Variants in CRLS1 observed in about 807,000 individuals in gnomAD.
CRLS1 encodes cardiolipin synthase (CMP-forming).
CRLS1 carries 24 observed loss-of-function variants against 37.0 expected under a neutral mutation model. The observed-to-expected ratio is 0.65, with a 90% confidence interval of 0.47 to 0.91. CRLS1 has a LOEUF of 0.91. Ranked by LOEUF, CRLS1 falls within the 40% of genes least tolerant of loss-of-function variation. The pLI, the probability that CRLS1 is intolerant of heterozygous loss-of-function variation, is 0.00. For missense variants in CRLS1, 373 were observed against 395.8 expected, an observed-to-expected ratio of 0.94 and a Z score of 0.49; for synonymous variants, 135 against 159.7, an observed-to-expected ratio of 0.85 and a Z score of 1.17.
At chr20:6,023,687 T>G (rs1979450004) in intron 3 of CRLS1, among the ~76,000 whole-genome samples, 1 of 151,584 alleles carries the variant, frequency 6.6e-6, no homozygotes, top group Non-Finnish European at 1.5e-5. Context: ...ATTCCCCACC[T>G]TCCGTTGAAT....
chr20:6,031,366 C>G lies in CRLS1; in HGVS notation c.656C>G (p.Thr219Arg), dbSNP rs1272831493. The change falls in exon 4 of 7, where the codon ACA (threonine) becomes AGA (arginine). Residue 219 changes from threonine to arginine, a missense_variant. Physicochemically the swap from Thr to Arg is moderately conservative, Grantham distance 71. Transcript: ENST00000378863. ...VFYVRYRTLPTPRTLAKYFNP... is the reference protein window; with the variant it reads ...VFYVRYRTLPRPRTLAKYFNP... ...TATGTCAGATACCGAACTCTTCCAACACCAGTGAGTTTGTTTCCAAAAAGT... is the reference window on the plus strand; with the variant it reads ...TATGTCAGATACCGAACTCTTCCAAGACCAGTGAGTTTGTTTCCAAAAAGT... The G allele has an allele frequency of 1.3e-6, 2 of 1,598,538 alleles. No homozygotes were observed. The highest frequency in any genetic ancestry group is 3.3e-4 in the Middle Eastern group (2 of 6,032).
At chr20:6,019,479 T>C (rs890899357) in intron 3 of CRLS1, among the ~76,000 whole-genome samples, 4 of 150,702 alleles carry the variant, frequency 2.7e-5, no homozygotes, top group African/African-American at 9.8e-5. Flanking sequence ...TATGTAGTAA[T>C]GTCCTCCTTT....
At position 6,006,222 on chromosome 20, in the gene CRLS1, G is replaced by A; in HGVS notation, c.-25G>A. 8.3e-7 allele frequency: 1 copy of A among 1,210,174 alleles called. No homozygotes were observed. The highest frequency in any genetic ancestry group is 3.3e-5 in the East Asian group (1 of 30,006). 75.0% of individuals were successfully genotyped at this position (1,210,174 alleles called of 1,614,324 possible). ...AGGCTGCTGAGCTCTCGCCGCCCGA[G>A]ACCCCGCGGCGCGGCCGCAGGGCCA... On this transcript the variant is annotated 5_prime_UTR_variant, in exon 1 of 7. Transcript: ENST00000378863.
intron 3 of CRLS1, among the ~76,000 whole-genome samples, chr20:6,025,655 CCTT>C (rs1406542781): frequency 8.5e-5 from 13 of 152,232 alleles, no homozygotes; most frequent in African/African-American, 3.1e-4. Flanking sequence ...AAATTGAAAA[CCTT>C]CTAGAAAGGA....
Position 6,006,245 on chromosome 20 carries a change from C to G in CRLS1, c.-2C>G. On this transcript the variant is annotated 5_prime_UTR_variant, in exon 1 of 7. Coordinates refer to ENST00000378863, the MANE Select transcript of CRLS1 (RefSeq NM_019095.6). ...GAGACCCCGCGGCGCGGCCGCAGGG[C>G]CATGCTAGCCTTGCGCGTGGCGCGC... 8.1e-7 allele frequency: 1 copy of G among 1,232,176 alleles called. No homozygotes were observed. Among genetic ancestry groups the G allele is most frequent in the Non-Finnish European group, 1.0e-6 (1 of 988,744 alleles). 76.3% of individuals were successfully genotyped at this position (1,232,176 alleles called of 1,614,324 possible).
At position 6,006,411 on chromosome 20, in the gene CRLS1, T is replaced by C; in HGVS notation, c.165T>C (p.Ala55=). Residue 55 remains alanine (A), a synonymous_variant, in exon 1 of 7, where the codon GCT becomes GCC. Coordinates refer to ENST00000378863, the MANE Select transcript of CRLS1 (RefSeq NM_019095.6). ...LAERWRLRPA[A]LGLRLPGIGQ... is the part of the protein sequence containing the mutation. Reference sequence around the variant, plus strand: ...AACGCTGGAGGCTGCGTCCGGCCGCTCTTGGCTTGCGGCTGCCCGGGATCG... The same window carrying C: ...AACGCTGGAGGCTGCGTCCGGCCGCCCTTGGCTTGCGGCTGCCCGGGATCG... 1 of 1,410,538 alleles carries C rather than the reference T, an allele frequency of 7.1e-7. No individual in the cohort carries two copies. Among genetic ancestry groups the C allele is most frequent in the Non-Finnish European group, 9.2e-7 (1 of 1,081,648 alleles). The allele number at this position is 1,410,538 out of a possible 1,614,324, so 87.4% of individuals were successfully genotyped here.
chr20:6,024,205 C>T (rs1385334799), intron 3 of CRLS1, among the ~76,000 whole-genome samples: 1 of 152,180 alleles, frequency 6.6e-6, no homozygotes. Context: ...ATCCTCCCAC[C>T]TCAGCCTTTC....
chr20:6,031,107 T>G (rs1211324727), intron 3 of CRLS1, 178 bp from the exon 4 acceptor site: 1 of 460,622 alleles, frequency 2.2e-6, no homozygotes, highest in Non-Finnish European at 3.8e-6. Context: ...TAAAGAAGAA[T>G]ATAAAAATCA....
At chr20:6,030,378 T>C (rs566815291) in intron 3 of CRLS1, among the ~76,000 whole-genome samples, 1 of 152,208 alleles carries the variant, frequency 6.6e-6, no homozygotes, top group East Asian at 1.9e-4. Flanking sequence ...ATTCATTGAA[T>C]GGGCAGGGAG....
intron 3 of CRLS1, among the ~76,000 whole-genome samples, chr20:6,024,033 G>T (rs748765344): frequency 2.0e-5 from 3 of 151,874 alleles, no homozygotes; most frequent in Non-Finnish European, 1.5e-5. Context: ...CCTCACTGCG[G>T]CCTTGACCTC....
At chr20:6,008,887 G>T (rs1441159001) in intron 1 of CRLS1, among the ~76,000 whole-genome samples, 1 of 152,170 alleles carries the variant, frequency 6.6e-6, no homozygotes, top group African/African-American at 2.4e-5. Flanking sequence ...AGTAGACACT[G>T]TTTGTCTATT....
intron 5 of CRLS1, among the ~76,000 whole-genome samples, chr20:6,034,063 G>A (rs1461745595): frequency 1.3e-5 from 2 of 152,228 alleles, no homozygotes; most frequent in African/African-American, 4.8e-5. Context: ...TGTCTGCTGT[G>A]ACTGCAGGCA....
rs989954405 is a variant in CRLS1 at position 6,015,622 on chromosome 20, T to G, written c.574+132T>G. 8 of 868,116 alleles carry G rather than the reference T, an allele frequency of 9.2e-6. No individual in the cohort carries two copies. In the African/African-American group the frequency reaches 1.0e-4, roughly 11 times the overall value. The allele number at this position is 868,116 out of a possible 1,614,324, so 53.8% of individuals were successfully genotyped here. A position where few individuals can be genotyped will look rare whatever the true frequency, so the allele number is the denominator to read the frequency against. On this transcript the variant is annotated intron_variant, in intron 3 of 6. Transcript: ENST00000378863. ...TTCAACTTTAAACTGTTTCCCTAAT[T>G]TTAAACTGTTGAACTGTTTTGTCAA...
intron 3 of CRLS1, 185 bp from the exon 4 acceptor site, chr20:6,031,097 TAAA>T (rs1980129879): frequency 4.4e-6 from 2 of 453,706 alleles, no homozygotes; most frequent in African/African-American, 4.0e-5. Flanking sequence ...GAGGGCGGGT[TAAA>T]GAAGAATATA....
chr20:6,034,655 ACT>A (rs1980419772), intron 6 of CRLS1, 100 bp downstream of exon 6: 1 of 842,568 alleles, frequency 1.2e-6, no homozygotes, highest in East Asian at 2.5e-5. Context: ...TTGAGCACTG[ACT>A]GGGTAAAGCT....
chr20:6,016,874 A>G (rs1277423224), intron 3 of CRLS1, among the ~76,000 whole-genome samples: 2 of 152,170 alleles, frequency 1.3e-5, no homozygotes, highest in African/African-American at 4.8e-5. Context: ...CTGTAGAAGG[A>G]TGGAGTGTGG....
In CRLS1 at chr20:6,039,259, GTT is replaced by G. The variant is rs1430098645; in HGVS notation, c.*2103_*2104del. On this transcript the variant is annotated 3_prime_UTR_variant, in exon 7 of 7. Coordinates refer to ENST00000378863, the MANE Select transcript of CRLS1 (RefSeq NM_019095.6). Reference sequence around the variant, plus strand: ...CACACCAACTGTGCTTTGCAGTTTTGTTTGTGTGTGTGTGTGTGTGTGTGTGT... The same window carrying G: ...CACACCAACTGTGCTTTGCAGTTTTGTGTGTGTGTGTGTGTGTGTGTGTGT... 8.5e-5 allele frequency: 9 copies of G among 106,078 alleles called. No individual in the cohort carries two copies. The highest frequency in any genetic ancestry group is 2.6e-4 in the East Asian group (1 of 3,842). 6.6% of individuals were successfully genotyped at this position (106,078 alleles called of 1,614,324 possible). A position where few individuals can be genotyped will look rare whatever the true frequency, so the allele number is the denominator to read the frequency against.
At chr20:6,006,951 T>G (rs1221932768) in intron 1 of CRLS1, 1 of 461,254 alleles carries the variant, frequency 2.2e-6, no homozygotes, top group Non-Finnish European at 2.8e-6. Flanking sequence ...TCTGTTTGCT[T>G]GTGCAAGTTC....
chr20:6,035,537 C>G (rs1028384534), intron 6 of CRLS1, among the ~76,000 whole-genome samples: 5 of 119,664 alleles, frequency 4.2e-5, no homozygotes, highest in African/African-American at 1.4e-4. Context: ...AAGAGAGAGA[C>G]AGTATTTTTT....
Sources: allele counts gnomAD v4.1 joint callset (sites outside exome capture counted in the v4.1 genomes callset), GRCh38; gene constraint gnomAD v4.1.1; transcripts MANE v1.5; gene names NCBI Gene and HGNC (gene_info 2026-07-23, HGNC 2026-07-21).